TLN2: variants seen among roughly 807,000 people sequenced by gnomAD.
TLN2 encodes talin-2.
TLN2 carries 118 observed loss-of-function variants against 294.7 expected under a neutral mutation model. That is an observed-to-expected ratio of 0.40 (90% confidence interval 0.34 to 0.47). TLN2 has a LOEUF of 0.47. TLN2 is among the 20% of genes least tolerant of loss of function. The pLI is 0.84. For missense variants in TLN2, 3,083 were observed against 3,282.2 expected (o/e 0.94, Z 1.48); for synonymous variants, 1,431 against 1,304.5 (o/e 1.10, Z -2.09).
intron 1 of TLN2, among the ~76,000 whole-genome samples, chr15:62,586,190 T>TA (rs879904339): frequency 1.3e-4 from 20 of 151,996 alleles, no homozygotes; most frequent in Middle Eastern, 3.4e-3. Context: ...CTAAAGGGGG[T>TA]CAGAACAGAG....
intron 54 of TLN2, chr15:62,831,127 C>G (rs148532740): frequency 2.6e-5 from 4 of 151,410 alleles, no homozygotes; most frequent in Admixed American, 2.6e-4. Flanking sequence ...TCAGATCTAC[C>G]CCTGCTAAAG....
chr15:62,665,930 G>A (rs547302244), intron 9 of TLN2, among the ~76,000 whole-genome samples: 41 of 152,172 alleles, frequency 2.7e-4, no homozygotes, highest in Non-Finnish European at 4.6e-4. Flanking sequence ...TCCTCCCAGT[G>A]AACTTTTGTC....
chr15:62,732,589 T>A (rs776435504), intron 28 of TLN2, among the ~76,000 whole-genome samples: 4 of 152,236 alleles, frequency 2.6e-5, no homozygotes, highest in Non-Finnish European at 5.9e-5. Flanking sequence ...TTCAGATTGC[T>A]TTTTGTATAG....
At position 62,702,855 on chromosome 15, in the gene TLN2, G is replaced by A. The variant is rs745320519; in HGVS notation, c.1995G>A (p.Glu665=). ...AGATTGGAGAGAATGAGACTGATGA[G>A]CGATTCCAGGTAAGATATTTGCAGG... ...LRQIGENETD[E]RFQDVLMSLA... The change falls in exon 19 of 59, where the codon GAG becomes GAA. Residue 665 remains glutamate, a synonymous_variant. Coordinates refer to ENST00000636159, the MANE Select transcript of TLN2 (RefSeq NM_015059.3). 1 of 1,614,128 alleles carries A rather than the reference G, an allele frequency of 6.2e-7. No homozygotes were observed. Among genetic ancestry groups the A allele is most frequent in the Non-Finnish European group, 8.5e-7 (1 of 1,179,954 alleles).
rs929559640 is a variant in TLN2 at position 62,740,557 on chromosome 15, C to T, written c.3886-73C>T. The T allele has an allele frequency of 1.9e-5, 31 of 1,592,346 alleles. No individual in the cohort carries two copies. In the African/African-American group the frequency reaches 3.9e-4, roughly 20 times the overall value. ...AACCTGCCTGCATGTCAGGATGCTG[C>T]TCCTAGCTCTCTGAATGCCTCCTTC... is the stretch of plus-strand genomic sequence containing the variant. On this transcript the variant is annotated intron_variant, in intron 31 of 58. Transcript: ENST00000636159.
intron 1 of TLN2, among the ~76,000 whole-genome samples, chr15:62,556,294 T>C (rs561205853): frequency 1.3e-5 from 2 of 152,072 alleles, no homozygotes; most frequent in South Asian, 2.1e-4. Flanking sequence ...ATTTTCTTTT[T>C]TTTCTCTTCT....
chr15:62,820,751 C>G (rs987873076), intron 54 of TLN2, 141 bp downstream of exon 54: 137 of 1,122,434 alleles, frequency 1.2e-4, no homozygotes, highest in Non-Finnish European at 1.7e-4. Context: ...GATCTACCTG[C>G]CCGGCACTGC....
intron 3 of TLN2, among the ~76,000 whole-genome samples, chr15:62,631,332 G>A (rs2049798844): frequency 6.6e-6 from 1 of 152,106 alleles, no homozygotes; most frequent in African/African-American, 2.4e-5. Context: ...CCGTAATAGA[G>A]GAAGCTTGCT....
intron 12 of TLN2, chr15:62,690,266 G>T: frequency 6.3e-6 from 1 of 159,608 alleles, no homozygotes. Context: ...GGCGGCTGCC[G>T]GGCGGAGGGG....
intron 7 of TLN2, among the ~76,000 whole-genome samples, 181 bp downstream of exon 7, chr15:62,653,495 G>A (rs966836900): frequency 6.6e-6 from 1 of 152,194 alleles, no homozygotes; most frequent in Non-Finnish European, 1.5e-5. Flanking sequence ...GGAGGCCAAG[G>A]CAGGTGTATT....
chr15:62,570,082 T>C (rs1487688636), intron 1 of TLN2, among the ~76,000 whole-genome samples: 1 of 152,196 alleles, frequency 6.6e-6, no homozygotes, highest in African/African-American at 2.4e-5. Flanking sequence ...CTCTTTCCTC[T>C]TCTTAAGACT....
chr15:62,518,474 T>G (rs1235265310), intron 1 of TLN2, among the ~76,000 whole-genome samples: 1 of 152,214 alleles, frequency 6.6e-6, no homozygotes, highest in Non-Finnish European at 1.5e-5. Context: ...TTTAAACTTG[T>G]CTGAGCCTCA....
chr15:62,540,540 C>T (rs1027244749), intron 1 of TLN2, among the ~76,000 whole-genome samples: 1 of 151,786 alleles, frequency 6.6e-6, no homozygotes, highest in Admixed American at 6.6e-5. Context: ...AAGTGTTAAC[C>T]ATAATCTGGC....
At chr15:62,795,499 G>A (rs1365160007) in intron 46 of TLN2, among the ~76,000 whole-genome samples, 1 of 152,144 alleles carries the variant, frequency 6.6e-6, no homozygotes, top group Non-Finnish European at 1.5e-5. Context: ...AACTTGCTGG[G>A]CCCTCGGGGC....
chr15:62,558,283 G>A (rs1006245657), intron 1 of TLN2, among the ~76,000 whole-genome samples: 1 of 152,154 alleles, frequency 6.6e-6, no homozygotes, highest in Non-Finnish European at 1.5e-5. Flanking sequence ...AGATATTATA[G>A]GATTTCGAAT....
intron 45 of TLN2, 187 bp downstream of exon 45, chr15:62,784,077 G>A: frequency 1.0e-6 from 1 of 1,002,420 alleles, no homozygotes; most frequent in Non-Finnish European, 1.4e-6. Context: ...AAGTCTCACT[G>A]CCCCTTATGG....
chr15:62,837,548 T>G (rs2069867994), intron 57 of TLN2, among the ~76,000 whole-genome samples: 3 of 152,206 alleles, frequency 2.0e-5, no homozygotes, highest in Admixed American at 1.3e-4. Context: ...AGCATCACTC[T>G]TGTTCCCATC....
At chr15:62,750,773 T>A (rs2061892939) in intron 34 of TLN2, among the ~76,000 whole-genome samples, 1 of 152,212 alleles carries the variant, frequency 6.6e-6, no homozygotes, top group South Asian at 2.1e-4. Context: ...ATCTCCCAGG[T>A]CCTGCCCCTG....
intron 25 of TLN2, among the ~76,000 whole-genome samples, chr15:62,720,116 T>C (rs1433505486): frequency 1.3e-5 from 2 of 152,256 alleles, no homozygotes; most frequent in African/African-American, 4.8e-5. Context: ...TCCGTTTTCC[T>C]CAGGATTATC....
Sources: gnomAD v4.1 joint callset for allele counts (sites outside exome capture counted in the v4.1 genomes callset) on GRCh38, gnomAD v4.1.1 for gene constraint, MANE v1.5 for transcripts, NCBI Gene and HGNC (gene_info 2026-07-23, HGNC 2026-07-21) for gene names.